Variants in NOX5 observed in about 807,000 individuals in gnomAD.
NOX5 encodes NADPH oxidase, EF-hand calcium binding domain 5.
In NOX5, 76 loss-of-function variants were observed where a neutral mutation model predicts 85.7. That is an observed-to-expected ratio of 0.89 (90% CI 0.74 to 1.07). The LOEUF is 1.07. NOX5 is among the 50% of genes least tolerant of loss of function. The pLI is 0.00. For missense variants in NOX5, 973 were observed against 999.5 expected, an observed-to-expected ratio of 0.97 and a Z score of 0.36; for synonymous variants, 405 against 401.4, an observed-to-expected ratio of 1.01 and a Z score of -0.11.
chr15:69,047,865 A>G lies in NOX5; in HGVS notation c.1853A>G (p.Gln618Arg). The G allele has an allele frequency of 6.2e-7, 1 of 1,614,140 alleles. No individual in the cohort carries two copies. The highest frequency in any genetic ancestry group is 8.5e-7 in the Non-Finnish European group (1 of 1,180,020). Residue 618 changes from glutamine to arginine, a missense_variant, in exon 13 of 16, where the codon CAG becomes CGG. By Grantham distance (43) the Gln-to-Arg change is conservative. Coordinates refer to ENST00000388866, the MANE Select transcript of NOX5 (RefSeq NM_024505.4). ...AGAAAGCATACTTGCCCCAGCTGCC[A>G]GCACTCCTGGATCGAAGGTGTCCAA... is the stretch of plus-strand genomic sequence containing the variant. ...QKRKHTCPSC[Q>R]HSWIEGVQDN...
chr15:69,048,969 T>A lies in NOX5; in HGVS notation c.1910T>A (p.Ile637Asn), dbSNP rs1307601056. The A allele has an allele frequency of 6.2e-7, 1 of 1,611,762 alleles. No individual in the cohort carries two copies. The change falls in exon 14 of 16, where the codon ATC becomes AAC. Residue 637 changes from isoleucine (I) to asparagine (N), a missense_variant. Physicochemically the swap from Ile to Asn is moderately radical, Grantham distance 149. Transcript: ENST00000388866. ...GGCCTCTCTCCGTAGGTGGACTTTA[T>A]CTGGATCAACAGAGACCAGCGGTCT... ...DNMKLHKVDF[I>N]WINRDQRSFE...
rs1161162904 is a variant in NOX5, at chr15:69,033,039, G to A, written c.621-4G>A. 1.3e-6 allele frequency: 2 copies of A among 1,551,068 alleles called. No individual in the cohort carries two copies. The highest frequency in any genetic ancestry group is 1.7e-6 in the Non-Finnish European group (2 of 1,163,916). On this transcript the variant is annotated splice_polypyrimidine_tract_variant and splice_region_variant and intron_variant, in intron 4 of 15. Coordinates refer to ENST00000388866, the MANE Select transcript of NOX5 (RefSeq NM_024505.4). ...CCTCTGAGCGGAACCCGCCTCTCTC[G>A]CAGCGCTGCCCACTGGCTGACGGCC...
At chr15:69,040,938 T>C (rs1460764483) in intron 9 of NOX5, among the ~76,000 whole-genome samples, 1 of 152,140 alleles carries the variant, frequency 6.6e-6, no homozygotes, top group African/African-American at 2.4e-5. Context: ...TCCACCCACC[T>C]TTTCCAAAGT....
chr15:69,042,476 T>C (rs2050607393), intron 9 of NOX5, among the ~76,000 whole-genome samples, 187 bp from the exon 10 acceptor site: 1 of 152,168 alleles, frequency 6.6e-6, no homozygotes, highest in African/African-American at 2.4e-5. Flanking sequence ...GATCTCAAGG[T>C]CTGCCCCACA....
rs1567111609 is a variant in NOX5 at position 69,059,766 on chromosome 15, G to C, written c.*3070G>C. On this transcript the variant is annotated 3_prime_UTR_variant, in exon 16 of 16. Transcript: ENST00000388866. ...ACAGGAAAATGCATCCGGATGACTG[G>C]CTGACTTTTCTTCTCTCACCAGATG... 1 of 152,234 alleles carries C rather than the reference G, an allele frequency of 6.6e-6. No individual in the cohort carries two copies. Among genetic ancestry groups the C allele is most frequent in the Non-Finnish European group, 1.5e-5 (1 of 68,064 alleles). The allele number at this position is 152,234 out of a possible 1,614,324, so 9.4% of individuals were successfully genotyped here.
In NOX5 at chr15:69,061,875, A is replaced by G. The variant is rs2050873711; in HGVS notation, c.*5179A>G. 1 of 152,182 alleles carries G rather than the reference A, an allele frequency of 6.6e-6. No homozygotes were observed. The highest frequency in any genetic ancestry group is 2.1e-4 in the South Asian group (1 of 4,828). 9.4% of individuals were successfully genotyped at this position (152,182 alleles called of 1,614,324 possible). ...GGAAGAAAAGGATGCATTTTTTGGT[A>G]AAGGAAAAAAAAATTCTGAGATTTA... On this transcript the variant is annotated 3_prime_UTR_variant, in exon 16 of 16. Coordinates refer to ENST00000388866, the MANE Select transcript of NOX5 (RefSeq NM_024505.4).
Position 69,047,925 on chromosome 15 carries a change from C to G in NOX5, c.1899+14C>G. 1 of 1,612,374 alleles carries G rather than the reference C, an allele frequency of 6.2e-7. No individual in the cohort carries two copies. The highest frequency in any genetic ancestry group is 8.5e-7 in the Non-Finnish European group (1 of 1,178,390). On this transcript the variant is annotated intron_variant, in intron 13 of 15. Transcript: ENST00000388866. ...AAGCTCCATAAGGTGAGTACCACCT[C>G]CTGCAGGCAGGCCTCCAGACCTTCT...
At chr15:69,034,279 GTACATGGGATGTTTTGA>G (rs973384325) in intron 5 of NOX5, among the ~76,000 whole-genome samples, 5 of 151,874 alleles carry the variant, frequency 3.3e-5, no homozygotes, top group Admixed American at 6.6e-5. Context: ...TATTTATGGG[GTACATGGGATGTTTTGA>G]TACATGGGAT....
At chr15:69,019,279 C>T (rs1343755665) in intron 1 of NOX5, among the ~76,000 whole-genome samples, 1 of 152,172 alleles carries the variant, frequency 6.6e-6, no homozygotes, top group East Asian at 1.9e-4. Context: ...GCCCACCTGC[C>T]ATGGAAGGGG....
chr15:69,032,657 C>T (rs8033327), intron 4 of NOX5, among the ~76,000 whole-genome samples: 9,575 of 152,144 alleles, frequency 0.063, 500 homozygotes, highest in East Asian at 0.22. Context: ...GTGATCCGCC[C>T]GCCTTGGGTT....
chr15:69,046,794 C>A (rs1481630465), intron 10 of NOX5, 28 bp from the exon 11 acceptor site: 1 of 1,610,088 alleles, frequency 6.2e-7, no homozygotes, highest in Admixed American at 1.7e-5. Flanking sequence ...ATTCCAAGAC[C>A]CATAACTCTC....
At position 69,031,553 on chromosome 15, in the gene NOX5, T is replaced by C. The variant is rs2050430661; in HGVS notation, c.361T>C (p.Trp121Arg). 1 of 1,611,646 alleles carries C rather than the reference T, an allele frequency of 6.2e-7. No homozygotes were observed. ...ARQGASAGTEWGAGAGPHWAS... is the reference protein window; with the variant it reads ...ARQGASAGTERGAGAGPHWAS... The stretch of plus-strand genomic sequence containing the variant: ...GCAGGGGGCGTCTGCAGGTACAGAG[T>C]GGGGTGCTGGGGCAGGCCCGCACTG... Residue 121 changes from tryptophan to arginine, a missense_variant, in exon 4 of 16, where the codon TGG becomes CGG. Coordinates refer to ENST00000388866, the MANE Select transcript of NOX5 (RefSeq NM_024505.4).
At position 69,035,774 on chromosome 15, in the gene NOX5, G is replaced by A. The variant is rs527275690; in HGVS notation, c.1026G>A (p.Ala342=). 31 of 1,614,122 alleles carry A rather than the reference G, an allele frequency of 1.9e-5. No homozygotes were observed. Among genetic ancestry groups the A allele is most frequent in the South Asian group, 1.3e-4 (12 of 91,078 alleles). ...TGTTTCCAGTACTCCAGGCTCAGGC[G>A]GAGGCCAGCCCTTTCCAGTTCTGGG... ...HTVNFVLQAQ[A]EASPFQFWEL... is the part of the protein sequence containing the mutation. Residue 342 remains alanine, a synonymous_variant, in exon 7 of 16, where the codon GCG becomes GCA. Coordinates refer to ENST00000388866, the MANE Select transcript of NOX5 (RefSeq NM_024505.4).
intron 1 of NOX5, among the ~76,000 whole-genome samples, chr15:69,021,960 T>C (rs976635559): frequency 6.6e-6 from 1 of 152,146 alleles, no homozygotes; most frequent in Non-Finnish European, 1.5e-5. Context: ...CTGGGAGAAT[T>C]TGTGAAAGCT....
intron 3 of NOX5, chr15:69,030,537 T>G (rs1278551912): frequency 6.6e-6 from 1 of 152,042 alleles, no homozygotes; most frequent in African/African-American, 2.4e-5. Flanking sequence ...ACAGAGAGAT[T>G]AAAGCAGATA....
Position 69,026,541 on chromosome 15 carries a change from G to A in NOX5, c.64G>A (p.Glu22Lys), listed in dbSNP as rs575250197. 2.7e-5 allele frequency: 44 copies of A among 1,614,144 alleles called. No individual in the cohort carries two copies. Among genetic ancestry groups the A allele is most frequent in the African/African-American group, 1.1e-4 (8 of 75,056 alleles). The change falls in exon 2 of 16, where the codon GAG (glutamate) becomes AAG (lysine). Residue 22 changes from glutamate (E) to lysine (K), a missense_variant. Physicochemically the swap from Glu to Lys is moderately conservative, Grantham distance 56. Transcript: ENST00000388866. ...TTTGCCTCCCAGCACCATGAGTGCCGAGGAGGATGCCAGGTGGCTCCGGTG... is the reference window on the plus strand; with the variant it reads ...TTTGCCTCCCAGCACCATGAGTGCCAAGGAGGATGCCAGGTGGCTCCGGTG... Reference protein sequence around the residue: ...PEGCRGTMSAEEDARWLRWVT... With the variant: ...PEGCRGTMSAKEDARWLRWVT...
rs2050827611 is a variant in NOX5, at chr15:69,057,542, G to C, written c.*846G>C. On this transcript the variant is annotated 3_prime_UTR_variant, in exon 16 of 16. Coordinates refer to ENST00000388866, the MANE Select transcript of NOX5 (RefSeq NM_024505.4). ...GTATGCTGGCCTCTTCCTTCTCTCT[G>C]TGTGCTGAGTCGCTTGAGAAACAGG... 1 of 152,126 alleles carries C rather than the reference G, an allele frequency of 6.6e-6. No homozygotes were observed. Among genetic ancestry groups the C allele is most frequent in the African/African-American group, 2.4e-5 (1 of 41,400 alleles). The allele number at this position is 152,126 out of a possible 1,614,324, so 9.4% of individuals were successfully genotyped here. A position where few individuals can be genotyped will look rare whatever the true frequency, so the allele number is the denominator to read the frequency against.
At chr15:69,031,897 C>T in intron 4 of NOX5, 85 bp downstream of exon 4, 1 of 1,400,164 alleles carries the variant, frequency 7.1e-7, no homozygotes, top group South Asian at 1.4e-5. Flanking sequence ...ACCGCGGATC[C>T]ACTCTGCCCT....
At position 69,039,374 on chromosome 15, in the gene NOX5, G is replaced by A. The variant is rs574831736; in HGVS notation, c.1504+385G>A. 2.0e-4 allele frequency among the ~76,000 whole-genome samples: 30 copies of A among 152,036 alleles called. 1 individual carries two copies. The highest frequency in any genetic ancestry group is 3.2e-4 in the Non-Finnish European group (22 of 68,000). ...AGAGTCTTCTGTAACTAGAGCTATGGGGGGTGGCGGGGGGTAGGCAGGTGG... is the reference window on the plus strand; with the variant it reads ...AGAGTCTTCTGTAACTAGAGCTATGAGGGGTGGCGGGGGGTAGGCAGGTGG... On this transcript the variant is annotated intron_variant, in intron 9 of 15. Transcript: ENST00000388866.
Sources: allele counts gnomAD v4.1 joint callset (sites outside exome capture counted in the v4.1 genomes callset), GRCh38; gene constraint gnomAD v4.1.1; transcripts MANE v1.5; gene names NCBI Gene and HGNC (gene_info 2026-07-23, HGNC 2026-07-21).